Variants in RHCE observed in about 807,000 individuals in gnomAD.
The protein encoded by RHCE is Rh blood group CcEe antigens.
A neutral mutation model predicts 43.8 loss-of-function variants in RHCE; 22 were observed. The ratio of observed to expected loss-of-function variants is 0.50; its 90% confidence interval spans 0.36 to 0.72. The LOEUF (loss-of-function observed/expected upper bound fraction) is 0.72, where lower values mean the gene tolerates loss of function less well. RHCE is among the 30% of genes least tolerant of loss of function. The pLI, the probability that RHCE is intolerant of heterozygous loss-of-function variation, is 0.00. For missense variants in RHCE, 385 were observed against 525.4 expected (o/e 0.73, Z 2.61); for synonymous variants, 156 against 210.7 (o/e 0.74, Z 2.25).
chr1:25,387,230 G>A (rs758317008), intron 6 of RHCE, among the ~76,000 whole-genome samples: 23 of 152,214 alleles, frequency 1.5e-4, no homozygotes, highest in Non-Finnish European at 3.1e-4. Flanking sequence ...CTTCTGCCTG[G>A]AATACATTCC....
chr1:25,426,117 G>T (rs1442377092), intron 2 of RHCE, among the ~76,000 whole-genome samples: 1 of 152,234 alleles, frequency 6.6e-6, no homozygotes, highest in Non-Finnish European at 1.5e-5. Context: ...AGTGTCAGAT[G>T]TGTAGAAAAC....
chr1:25,370,965 A>G, intron 8 of RHCE, among the ~76,000 whole-genome samples: 1 of 145,350 alleles, frequency 6.9e-6, no homozygotes, highest in Non-Finnish European at 1.5e-5. Flanking sequence ...CATGTTGGCC[A>G]GGCTGGTCTC....
At chr1:25,395,091 G>A (rs934173499) in intron 3 of RHCE, among the ~76,000 whole-genome samples, 6 of 143,412 alleles carry the variant, frequency 4.2e-5, no homozygotes, top group African/African-American at 1.6e-4. Context: ...AACAAAGCAG[G>A]AAGAGGTTCG....
At chr1:25,376,818 G>A (rs910885056) in intron 7 of RHCE, among the ~76,000 whole-genome samples, 5 of 151,990 alleles carry the variant, frequency 3.3e-5, no homozygotes, top group African/African-American at 1.2e-4. Context: ...GGAGGCTGAG[G>A]CAGGAGAACG....
At chr1:25,404,967 G>A (rs1318670212) in intron 2 of RHCE, among the ~76,000 whole-genome samples, 1 of 150,348 alleles carries the variant, frequency 6.7e-6, no homozygotes, top group Non-Finnish European at 1.5e-5. Context: ...GAGGTGGGAG[G>A]ATTGCTTAAG....
intron 1 of RHCE, among the ~76,000 whole-genome samples, chr1:25,418,995 G>A (rs1173047274): frequency 6.6e-6 from 1 of 152,164 alleles, no homozygotes; most frequent in Admixed American, 6.5e-5. Context: ...TGTAAAATGG[G>A]GCCATGATGC....
chr1:25,366,693 ATACT>A (rs1194505961), intron 9 of RHCE, among the ~76,000 whole-genome samples: 3 of 91,440 alleles, frequency 3.3e-5, no homozygotes, highest in African/African-American at 9.7e-5. Context: ...CCTGGGCGAC[ATACT>A]TACTTTTATG....
rs535905481 is a variant in RHCE at position 25,426,078 on chromosome 1, T to C, written c.-40+2875A>G. ...AATCAGTGTCAATCTCACTGGGTTG[T>C]TGTGAAGATTCAACGAGGCAGTGCA... On this transcript the variant is annotated intron_variant, in intron 2 of 11. Transcript: ENST00000349320. 3.3e-5 allele frequency among the ~76,000 whole-genome samples: 5 copies of C among 152,352 alleles called. 1 individual carries two copies. In the South Asian group the frequency reaches 8.3e-4, roughly 25 times the overall value.
At chr1:25,389,969 C>A (rs909759452) in intron 5 of RHCE, among the ~76,000 whole-genome samples, 4 of 152,128 alleles carry the variant, frequency 2.6e-5, no homozygotes, top group African/African-American at 9.7e-5. Flanking sequence ...CATGGCCACT[C>A]ACTTCCTCTT....
chr1:25,385,572 A>G, intron 7 of RHCE, 139 bp downstream of exon 7: 1 of 1,302,668 alleles, frequency 7.7e-7, no homozygotes, highest in South Asian at 1.2e-5. Context: ...TTTCTGAATA[A>G]ATCAGCCAAC....
At chr1:25,402,201 T>TGTCC (rs1646772652) in intron 3 of RHCE, among the ~76,000 whole-genome samples, 3 of 142,306 alleles carry the variant, frequency 2.1e-5, no homozygotes, top group African/African-American at 7.7e-5. Context: ...TCTGTCTGTC[T>TGTCC]GTCTGTCTAT....
upstream of RHCE, chr1:25,430,200 C>A (rs1008162114): frequency 6.6e-6 from 1 of 152,070 alleles, no homozygotes; most frequent in Non-Finnish European, 1.5e-5. Context: ...CATCTCTGCG[C>A]TACGTCGCGC....
chr1:25,418,752 G>C (rs1263079615), intron 1 of RHCE, among the ~76,000 whole-genome samples: 6 of 152,192 alleles, frequency 3.9e-5, no homozygotes, highest in East Asian at 1.9e-4. Context: ...GCCTTCAAGA[G>C]CTGGCTGGGC....
At chr1:25,368,894 G>A (rs1261165226) in intron 9 of RHCE, among the ~76,000 whole-genome samples, 11 of 151,726 alleles carry the variant, frequency 7.2e-5, no homozygotes, top group African/African-American at 1.9e-4. Context: ...CCGAGTAGCC[G>A]GGATTACAGG....
Position 25,391,978 on chromosome 1 carries a change from C to G in RHCE, c.634+16G>C, listed in dbSNP as rs1646381022. The G allele has an allele frequency of 1.2e-6, 2 of 1,613,424 alleles. No homozygotes were observed. The highest frequency in any genetic ancestry group is 1.7e-6 in the Non-Finnish European group (2 of 1,179,980). ...TCAGCCCAAGTATGAGACCACTCAC[C>G]CCACCTTGTCCTTACCCAGCATGGC... On this transcript the variant is annotated intron_variant, in intron 4 of 9. Coordinates refer to ENST00000294413, the MANE Select transcript of RHCE (RefSeq NM_020485.8).
upstream of RHCE, among the ~76,000 whole-genome samples, chr1:25,422,977 A>G (rs951555015): frequency 1.3e-5 from 2 of 151,930 alleles, no homozygotes; most frequent in Non-Finnish European, 2.9e-5. Context: ...TCGCTGGCCT[A>G]CCCCTCATGC....
intron 5 of RHCE, among the ~76,000 whole-genome samples, chr1:25,389,428 G>A (rs1182405912): frequency 2.0e-5 from 3 of 152,094 alleles, no homozygotes; most frequent in East Asian, 1.9e-4. Context: ...CCTGGACAGC[G>A]GGAAGAATGG....
intron 7 of RHCE, among the ~76,000 whole-genome samples, chr1:25,378,461 C>A (rs182042062): frequency 6.6e-6 from 1 of 152,242 alleles, no homozygotes; most frequent in Non-Finnish European, 1.5e-5. Flanking sequence ...GCTGCATTCA[C>A]ACAATGGAAC....
intron 8 of RHCE, among the ~76,000 whole-genome samples, chr1:25,373,645 G>C (rs1266486663): frequency 6.6e-6 from 1 of 151,608 alleles, no homozygotes; most frequent in Non-Finnish European, 1.5e-5. Flanking sequence ...TCATTTTACA[G>C]AGAAGCTAAC....
Sources: allele counts gnomAD v4.1 joint callset (sites outside exome capture counted in the v4.1 genomes callset), GRCh38; gene constraint gnomAD v4.1.1; transcripts MANE v1.5; gene names NCBI Gene and HGNC (gene_info 2026-07-23, HGNC 2026-07-21).